The following DOCK3 variants were observed in gnomAD, a reference collection of about 807,000 sequenced individuals.
DOCK3 encodes dedicator of cytokinesis protein 3.
Under a neutral mutation model 265.6 loss-of-function variants are expected in DOCK3, and 60 were observed. That is an observed-to-expected ratio of 0.23 (90% confidence interval 0.18 to 0.28). The LOEUF (loss-of-function observed/expected upper bound fraction) is 0.28, where lower values mean the gene tolerates loss of function less well. DOCK3 is among the 10% of genes least tolerant of loss of function. The probability of loss-of-function intolerance (pLI) is 1.00; values close to 1 mark genes in which losing one functional copy is unlikely to be tolerated. For synonymous variants in DOCK3, 881 were observed against 938.0 expected (o/e 0.94, Z 1.11); for missense variants, 1,981 against 2,594.3 (o/e 0.76, Z 5.14).
At chr3:51,125,015 T>C (rs2084205715) in intron 9 of DOCK3, among the ~76,000 whole-genome samples, 1 of 151,246 alleles carries the variant, frequency 6.6e-6, no homozygotes, top group Non-Finnish European at 1.5e-5. Flanking sequence ...GGCGTGTTCC[T>C]GTAGTCCCAG....
intron 32 of DOCK3, among the ~76,000 whole-genome samples, chr3:51,324,634 G>A (rs1304187523): frequency 9.9e-5 from 15 of 152,172 alleles, no homozygotes; most frequent in Admixed American, 9.8e-4. Context: ...AAAGAACAAA[G>A]CTGGAGACAT....
chr3:51,081,604 T>C (rs146696682), intron 7 of DOCK3, among the ~76,000 whole-genome samples: 1,780 of 152,124 alleles, frequency 0.012, 11 homozygotes, highest in Non-Finnish European at 0.017. Flanking sequence ...TGAGTCAAGA[T>C]TCAAAACTAG....
intron 5 of DOCK3, among the ~76,000 whole-genome samples, chr3:50,943,520 C>G (rs1233694940): frequency 6.6e-6 from 1 of 151,898 alleles, no homozygotes; most frequent in East Asian, 1.9e-4. Flanking sequence ...AGACAATGTA[C>G]CAAAATATTA....
At chr3:50,895,623 G>A (rs867234262) in intron 4 of DOCK3, among the ~76,000 whole-genome samples, 2 of 151,962 alleles carry the variant, frequency 1.3e-5, no homozygotes, top group East Asian at 1.9e-4. Flanking sequence ...CCATCAACCC[G>A]TCATCAACAT....
At chr3:51,181,053 T>G (rs2087261105) in intron 12 of DOCK3, among the ~76,000 whole-genome samples, 1 of 152,220 alleles carries the variant, frequency 6.6e-6, no homozygotes, top group Non-Finnish European at 1.5e-5. Flanking sequence ...TATAATTACA[T>G]GTATATACAC....
rs541899852 is a variant in DOCK3 at position 50,964,280 on chromosome 3, A to C, written c.315+30203A>C. On this transcript the variant is annotated intron_variant, in intron 5 of 52. Coordinates refer to ENST00000266037, the MANE Select transcript of DOCK3 (RefSeq NM_004947.5). The stretch of plus-strand genomic sequence containing the variant: ...TTATAGAAATTTAGAAACACTCAGC[A>C]CTTCAATATGATTAAAAAGAATAAT... Among the ~76,000 whole-genome samples the C allele has an allele frequency of 9.8e-5, 15 of 152,336 alleles. No homozygotes were observed. In the South Asian group the frequency reaches 2.9e-3, roughly 29 times the overall value.
intron 13 of DOCK3, among the ~76,000 whole-genome samples, chr3:51,212,676 C>T (rs534717073): frequency 1.8e-4 from 28 of 152,210 alleles, no homozygotes; most frequent in African/African-American, 6.7e-4. Flanking sequence ...GGTTCTGGCT[C>T]CCAGGCTTTC....
At chr3:50,702,656 A>G (rs2036127594) in intron 1 of DOCK3, among the ~76,000 whole-genome samples, 1 of 152,018 alleles carries the variant, frequency 6.6e-6, no homozygotes, top group African/African-American at 2.4e-5. Flanking sequence ...GATGTGAGCC[A>G]CTGTGCCCAG....
At chr3:50,790,028 T>G (rs2108595475) in intron 2 of DOCK3, among the ~76,000 whole-genome samples, 1 of 152,376 alleles carries the variant, frequency 6.6e-6, no homozygotes, top group South Asian at 2.1e-4. Flanking sequence ...CCACCATGCG[T>G]GGCCTAGTCC....
At chr3:50,898,169 C>T (rs892522108) in intron 4 of DOCK3, among the ~76,000 whole-genome samples, 2 of 147,926 alleles carry the variant, frequency 1.4e-5, no homozygotes, top group African/African-American at 5.0e-5. Context: ...TGTTATTGGC[C>T]TCTTCAGGGA....
intron 5 of DOCK3, among the ~76,000 whole-genome samples, chr3:50,954,619 G>A (rs2076680714): frequency 1.3e-5 from 2 of 152,086 alleles, no homozygotes; most frequent in African/African-American, 4.8e-5. Flanking sequence ...TTAGCTGCAT[G>A]TATATTTTCT....
At chr3:50,707,766 TG>T (rs759650024) in intron 1 of DOCK3, among the ~76,000 whole-genome samples, 3 of 151,946 alleles carry the variant, frequency 2.0e-5, no homozygotes, top group African/African-American at 2.4e-5. Context: ...CATATGCCCC[TG>T]GGTGGTGTGC....
chr3:50,877,478 T>A (rs1156895685), intron 3 of DOCK3: 1 of 520,024 alleles, frequency 1.9e-6, no homozygotes, highest in East Asian at 5.4e-5. Flanking sequence ...CAGAATTTAT[T>A]TCATTTGTTC....
chr3:51,347,542 C>G (rs150650659), intron 38 of DOCK3, among the ~76,000 whole-genome samples: 188 of 152,270 alleles, frequency 1.2e-3, no homozygotes, highest in African/African-American at 4.3e-3. Flanking sequence ...GTCACTGTAG[C>G]CTTGTAGTAT....
At chr3:51,016,766 T>C (rs368127403) in intron 5 of DOCK3, among the ~76,000 whole-genome samples, 31 of 3,062 alleles carry the variant, frequency 0.01, 7 homozygotes, top group African/African-American at 0.033. Context: ...ATATATGATA[T>C]ATGTTTATAT....
chr3:50,698,517 G>GTTGTTTTTTTTTTTTTTTTTT (rs2035794152), intron 1 of DOCK3, among the ~76,000 whole-genome samples: 1 of 19,506 alleles, frequency 5.1e-5, no homozygotes, highest in Non-Finnish European at 1.2e-4. Flanking sequence ...TATGTTTTTG[G>GTTGTTTTTTTTTTTTTTTTTT]TTTTTTTTTT....
chr3:51,129,336 G>C (rs748263241), intron 9 of DOCK3, among the ~76,000 whole-genome samples: 2 of 152,182 alleles, frequency 1.3e-5, no homozygotes, highest in Non-Finnish European at 2.9e-5. Context: ...TGTGAACCAG[G>C]CCCTAGTTTT....
intron 1 of DOCK3, among the ~76,000 whole-genome samples, chr3:50,686,759 A>AT (rs531833913): frequency 4.9e-4 from 74 of 151,800 alleles, no homozygotes; most frequent in Middle Eastern, 6.8e-3. Context: ...AAATACAAAA[A>AT]TTAGCTGGGC....
chr3:50,780,642 G>A (rs780196826), intron 2 of DOCK3, among the ~76,000 whole-genome samples: 24 of 151,998 alleles, frequency 1.6e-4, no homozygotes, highest in Non-Finnish European at 3.1e-4. Flanking sequence ...ATCAGATCAG[G>A]GTAACTAGAA....
Sources: gnomAD v4.1 joint callset for allele counts (sites outside exome capture counted in the v4.1 genomes callset) on GRCh38, gnomAD v4.1.1 for gene constraint, MANE v1.5 for transcripts, NCBI Gene and HGNC (gene_info 2026-07-23, HGNC 2026-07-21) for gene names.